FRMD6: variants seen among roughly 807,000 people sequenced by gnomAD.
The protein encoded by FRMD6 is FERM domain-containing protein 6.
A neutral mutation model predicts 73.2 loss-of-function variants in FRMD6; 37 were observed. The ratio of observed to expected loss-of-function variants is 0.51; its 90% CI spans 0.39 to 0.66. FRMD6 has a LOEUF of 0.66. FRMD6 is among the 30% of genes least tolerant of loss of function. The pLI is 0.00. For synonymous variants in FRMD6, 273 were observed against 282.2 expected (o/e 0.97, Z 0.33); for missense variants, 714 against 780.5 (o/e 0.91, Z 1.02).
intron 1 of FRMD6, among the ~76,000 whole-genome samples, chr14:51,525,140 G>GTGGATGGA (rs71121650): frequency 1.3e-3 from 199 of 148,636 alleles, no homozygotes; most frequent in African/African-American, 3.7e-3. Flanking sequence ...TGATAGGTGG[G>GTGGATGGA]TGGATGGATG....
intron 1 of FRMD6, among the ~76,000 whole-genome samples, chr14:51,494,404 A>G (rs1175048927): frequency 1.3e-5 from 2 of 152,262 alleles, no homozygotes; most frequent in Admixed American, 1.3e-4. Context: ...AAGGAAAAAT[A>G]GGGAAGAAGA....
At chr14:51,634,442 C>G (rs1891466048) in intron 2 of FRMD6, among the ~76,000 whole-genome samples, 1 of 152,194 alleles carries the variant, frequency 6.6e-6, no homozygotes, top group Non-Finnish European at 1.5e-5. Context: ...TCTCTATCCC[C>G]TATTCCCAAA....
chr14:51,700,610 G>A (rs192089564), intron 3 of FRMD6, among the ~76,000 whole-genome samples: 10 of 152,098 alleles, frequency 6.6e-5, no homozygotes, highest in East Asian at 1.9e-4. Flanking sequence ...AGCTGATACC[G>A]TGTTTTCTAA....
the FRMD6 span, among the ~76,000 whole-genome samples, chr14:51,465,810 A>G: frequency 1.3e-5 from 2 of 152,182 alleles, no homozygotes; most frequent in African/African-American, 4.8e-5. Context: ...TTTATTGGCA[A>G]ATACTGTATC....
At chr14:51,484,504 C>T (rs1882726268), upstream of FRMD6, among the ~76,000 whole-genome samples, 1 of 152,164 alleles carries the variant, frequency 6.6e-6, no homozygotes, top group Non-Finnish European at 1.5e-5. Flanking sequence ...TCACTACCAC[C>T]ACCAGAATAG....
At chr14:51,613,983 T>G (rs1035741998) in intron 2 of FRMD6, among the ~76,000 whole-genome samples, 5 of 152,214 alleles carry the variant, frequency 3.3e-5, no homozygotes, top group Non-Finnish European at 5.9e-5. Context: ...AGTGTGAATT[T>G]CACACGTACC....
intron 1 of FRMD6, among the ~76,000 whole-genome samples, chr14:51,523,233 T>C (rs920405544): frequency 3.9e-5 from 6 of 152,252 alleles, no homozygotes; most frequent in African/African-American, 1.4e-4. Context: ...ATAATGTTTT[T>C]CTTTAAGTCT....
At chr14:51,556,370 C>T (rs1458787940) in intron 1 of FRMD6, among the ~76,000 whole-genome samples, 1 of 152,164 alleles carries the variant, frequency 6.6e-6, no homozygotes, top group Non-Finnish European at 1.5e-5. Flanking sequence ...TTCTTCTTAA[C>T]AAGTGTCAAA....
At chr14:51,687,715 C>G (rs1259976392) in intron 1 of FRMD6, among the ~76,000 whole-genome samples, 3 of 152,134 alleles carry the variant, frequency 2.0e-5, no homozygotes. Flanking sequence ...CCTGTACCAC[C>G]TAGTAACATT....
At chr14:51,436,636 G>GTT in the FRMD6 span, 1 of 538,938 alleles carries the variant, frequency 1.9e-6, no homozygotes. Flanking sequence ...GAACTAGAGA[G>GTT]TTTTTTACCT....
chr14:51,447,905 G>A, the FRMD6 span, among the ~76,000 whole-genome samples: 151 of 152,024 alleles, frequency 9.9e-4, no homozygotes, highest in Non-Finnish European at 1.7e-3. Flanking sequence ...TTGCTTTGAC[G>A]TCATATGATT....
chr14:51,477,792 T>G, the FRMD6 span, among the ~76,000 whole-genome samples: 2 of 150,562 alleles, frequency 1.3e-5, no homozygotes, highest in Non-Finnish European at 2.9e-5. Flanking sequence ...CAGACTGGAG[T>G]GCAGTGGCAC....
chr14:51,635,524 A>AT (rs1389247180), intron 2 of FRMD6, among the ~76,000 whole-genome samples: 1 of 152,216 alleles, frequency 6.6e-6, no homozygotes, highest in Non-Finnish European at 1.5e-5. Flanking sequence ...TGGTTATCCA[A>AT]TTTTTTAAAA....
chr14:51,551,621 C>T (rs1408393873), intron 1 of FRMD6, among the ~76,000 whole-genome samples: 1 of 151,994 alleles, frequency 6.6e-6, no homozygotes, highest in Non-Finnish European at 1.5e-5. Context: ...CTTGTAGTCC[C>T]AGCTACTTGG....
At chr14:51,705,420 T>C (rs1296290871) in intron 6 of FRMD6, among the ~76,000 whole-genome samples, 1 of 152,100 alleles carries the variant, frequency 6.6e-6, no homozygotes, top group African/African-American at 2.4e-5. Context: ...ACGTGAACTG[T>C]CTCAGCTGCG....
chr14:51,565,240 T>A (rs1025673414), intron 1 of FRMD6: 14 of 152,192 alleles, frequency 9.2e-5, no homozygotes, highest in African/African-American at 3.1e-4. Context: ...ACAATGCAAA[T>A]TGAATGGCCA....
intron 2 of FRMD6, chr14:51,637,378 G>C (rs1258842460): frequency 6.6e-6 from 1 of 151,682 alleles, no homozygotes; most frequent in Admixed American, 6.6e-5. Context: ...TTCTGTAATT[G>C]ATTTATGTGC....
At chr14:51,415,952 A>G in the FRMD6 span, among the ~76,000 whole-genome samples, 1 of 152,202 alleles carries the variant, frequency 6.6e-6, no homozygotes, top group Non-Finnish European at 1.5e-5. Context: ...GAGGTGTTAT[A>G]GTATTCTCTG....
At chr14:51,675,300 T>C (rs1249510308) in intron 1 of FRMD6, among the ~76,000 whole-genome samples, 1 of 152,094 alleles carries the variant, frequency 6.6e-6, no homozygotes, top group African/African-American at 2.4e-5. Context: ...CTTGGATCCA[T>C]GTTTCTATGG....
Sources: gnomAD v4.1 joint callset for allele counts (sites outside exome capture counted in the v4.1 genomes callset) on GRCh38, gnomAD v4.1.1 for gene constraint, MANE v1.5 for transcripts, NCBI Gene and HGNC (gene_info 2026-07-23, HGNC 2026-07-21) for gene names.